IGF2BP2: variants seen among roughly 807,000 people sequenced by gnomAD.
IGF2BP2 encodes the protein insulin like growth factor 2 mRNA binding protein 2, also known as insulin-like growth factor 2 mRNA-binding protein 2.
IGF2BP2 carries 17 observed loss-of-function variants against 75.8 expected under a neutral mutation model. The observed-to-expected ratio is 0.22, with a 90% CI of 0.15 to 0.34. IGF2BP2 has a LOEUF of 0.34. IGF2BP2 is among the 10% of genes least tolerant of loss of function. The pLI is 1.00. For missense variants in IGF2BP2, 516 were observed against 772.4 expected (o/e 0.67, Z 3.93); for synonymous variants, 288 against 295.6 (o/e 0.97, Z 0.26).
At chr3:185,659,382 C>A (rs893538278) in intron 10 of IGF2BP2, among the ~76,000 whole-genome samples, 11 of 152,056 alleles carry the variant, frequency 7.2e-5, no homozygotes, top group African/African-American at 2.4e-4. Context: ...TATTTTATTT[C>A]TTTATTTTTG....
intron 7 of IGF2BP2, among the ~76,000 whole-genome samples, chr3:185,683,186 C>A (rs947383448): frequency 6.6e-6 from 1 of 152,048 alleles, no homozygotes; most frequent in Non-Finnish European, 1.5e-5. Context: ...ATAAGCCAGT[C>A]ACAAAAGAAT....
intron 2 of IGF2BP2, among the ~76,000 whole-genome samples, chr3:185,781,680 T>A (rs970801608): frequency 6.6e-6 from 1 of 152,184 alleles, no homozygotes; most frequent in Non-Finnish European, 1.5e-5. Flanking sequence ...AGCTCCTCAA[T>A]CATTTAAAAA....
chr3:185,657,269 G>A lies in IGF2BP2; in HGVS notation c.1386+17C>T, dbSNP rs557714258. 6.9e-6 allele frequency: 11 copies of A among 1,587,642 alleles called. No individual in the cohort carries two copies. Among genetic ancestry groups the A allele is most frequent in the Middle Eastern group, 2.0e-4 (1 of 5,042 alleles). On this transcript the variant is annotated intron_variant, in intron 12 of 15. Transcript: ENST00000382199. ...GAGGTGGTAGAAGGGCCACAGGGCC[G>A]TCAGGAGCAGCCTCACCTTGATAGA... is the stretch of plus-strand genomic sequence containing the variant.
At chr3:185,716,798 T>C (rs747125205) in intron 2 of IGF2BP2, 4 of 518,834 alleles carry the variant, frequency 7.7e-6, no homozygotes, top group African/African-American at 1.9e-5. Context: ...TGGTTAACAT[T>C]TCACCTTAAC....
chr3:185,721,962 C>T (rs1726613960), intron 2 of IGF2BP2, among the ~76,000 whole-genome samples: 1 of 151,712 alleles, frequency 6.6e-6, no homozygotes, highest in South Asian at 2.1e-4. Flanking sequence ...TTATCACTAA[C>T]CAGCATCCTT....
intron 12 of IGF2BP2, among the ~76,000 whole-genome samples, chr3:185,653,732 C>T (rs937817251): frequency 6.6e-6 from 1 of 152,190 alleles, no homozygotes; most frequent in Non-Finnish European, 1.5e-5. Flanking sequence ...AGGTTGGCCA[C>T]AGATGCAGTT....
rs201588913 is a variant in IGF2BP2 at position 185,672,655 on chromosome 3, C to G, written c.1086G>C (p.Leu362=). Residue 362 remains leucine (L), a synonymous_variant, in exon 10 of 16, where the codon CTG becomes CTC. Transcript: ENST00000382199. ...DMLAVNQQAN[L]IPGLNLSALG... is the part of the protein sequence containing the mutation. Reference sequence around the variant, plus strand: ...GTGCGCTGAGGTTCAACCCTGGGATCAGATTGGCTTGTTGCTGGGAATAGA... The same window carrying G: ...GTGCGCTGAGGTTCAACCCTGGGATGAGATTGGCTTGTTGCTGGGAATAGA... 1.4e-5 allele frequency: 22 copies of G among 1,614,090 alleles called. No individual in the cohort carries two copies. In the East Asian group the frequency reaches 4.5e-4, roughly 33 times the overall value.
chr3:185,749,846 A>G (rs1730727573), intron 2 of IGF2BP2, among the ~76,000 whole-genome samples: 1 of 152,252 alleles, frequency 6.6e-6, no homozygotes, highest in Non-Finnish European at 1.5e-5. Context: ...AGGTTGGCCC[A>G]GAAAGAAATG....
At chr3:185,665,768 A>C (rs547251580) in intron 10 of IGF2BP2, among the ~76,000 whole-genome samples, 63 of 152,134 alleles carry the variant, frequency 4.1e-4, no homozygotes, top group Non-Finnish European at 7.1e-4. Flanking sequence ...GGAGTTCGAG[A>C]TCAGCCTGGC....
chr3:185,762,899 C>T (rs1732570238), intron 2 of IGF2BP2, among the ~76,000 whole-genome samples: 2 of 152,112 alleles, frequency 1.3e-5, no homozygotes, highest in African/African-American at 2.4e-5. Context: ...CAAGATGAAC[C>T]AATCTCCTGG....
chr3:185,777,285 C>T (rs1734639656), intron 2 of IGF2BP2, among the ~76,000 whole-genome samples: 1 of 152,162 alleles, frequency 6.6e-6, no homozygotes, highest in African/African-American at 2.4e-5. Flanking sequence ...GCCTGGGCAA[C>T]ATGGCAAAAC....
intron 12 of IGF2BP2, among the ~76,000 whole-genome samples, chr3:185,654,997 C>A (rs1368651052): frequency 6.6e-6 from 1 of 152,258 alleles, no homozygotes; most frequent in South Asian, 2.1e-4. Flanking sequence ...CATTGTGGCC[C>A]CCAAAGACTG....
intron 2 of IGF2BP2, among the ~76,000 whole-genome samples, chr3:185,710,977 C>T (rs1724713187): frequency 1.3e-5 from 2 of 151,776 alleles, no homozygotes. Context: ...AGCTCTCAAA[C>T]CTAATGTCAC....
In IGF2BP2 at chr3:185,660,838, C is replaced by T. The variant is rs571989605; in HGVS notation, c.1201-2429G>A. Among the ~76,000 whole-genome samples, 10 of 152,308 alleles carry T rather than the reference C, an allele frequency of 6.6e-5. 2 individuals are homozygous for T. Among genetic ancestry groups the T allele is most frequent in the African/African-American group, 2.4e-4 (10 of 41,568 alleles). ...TCTGGGAAAAGAGCACTTCAGCCCTCCTCCCGCCTGAAGAATCGTTCCTTC... is the reference window on the plus strand; with the variant it reads ...TCTGGGAAAAGAGCACTTCAGCCCTTCTCCCGCCTGAAGAATCGTTCCTTC... On this transcript the variant is annotated intron_variant, in intron 10 of 15. Transcript: ENST00000382199.
intron 2 of IGF2BP2, among the ~76,000 whole-genome samples, chr3:185,811,863 T>TCTCTCTCTCTCTCTCTCTCC (rs1739913533): frequency 7.8e-6 from 1 of 127,406 alleles, no homozygotes; most frequent in Admixed American, 7.9e-5. Flanking sequence ...TCTCTCTCTC[T>TCTCTCTCTCTCTCTCTCTCC]CTCTCTCTCT....
At chr3:185,732,810 C>T (rs1195955574) in intron 2 of IGF2BP2, among the ~76,000 whole-genome samples, 1 of 152,186 alleles carries the variant, frequency 6.6e-6, no homozygotes, top group Non-Finnish European at 1.5e-5. Flanking sequence ...TTAATGTAAG[C>T]AATGTGTGGG....
intron 2 of IGF2BP2, among the ~76,000 whole-genome samples, chr3:185,726,570 T>G (rs1035840678): frequency 4.6e-5 from 7 of 152,232 alleles, no homozygotes; most frequent in African/African-American, 1.4e-4. Flanking sequence ...TTCTCTGCCA[T>G]TGTAATAGAC....
chr3:185,799,747 G>A (rs540092912), intron 2 of IGF2BP2, among the ~76,000 whole-genome samples: 27 of 145,398 alleles, frequency 1.9e-4, no homozygotes, highest in South Asian at 1.1e-3. Flanking sequence ...GCGAGACTCC[G>A]TCTCAAAAAA....
In IGF2BP2 at chr3:185,645,665, A is replaced by G. The variant is rs781697985; in HGVS notation, c.1708-42T>C. 5.3e-6 allele frequency: 8 copies of G among 1,501,462 alleles called. No homozygotes were observed. Among genetic ancestry groups the G allele is most frequent in the Non-Finnish European group, 6.5e-6 (7 of 1,077,792 alleles). The allele number at this position is 1,501,462 out of a possible 1,614,324, so 93.0% of individuals were successfully genotyped here. A position where few individuals can be genotyped will look rare whatever the true frequency, so the allele number is the denominator to read the frequency against. On this transcript the variant is annotated intron_variant, in intron 15 of 15. Coordinates refer to ENST00000382199, the MANE Select transcript of IGF2BP2 (RefSeq NM_006548.6). The surrounding 1 kb of genome is among the most constrained non-coding windows in gnomAD (Gnocchi z 4.9). Reference sequence around the variant, plus strand: ...AAGGGAGAGGAAGGGACAGGGGAAAAAAGGAACCCAGTTCTGAGGACAAAC... The same window carrying G: ...AAGGGAGAGGAAGGGACAGGGGAAAGAAGGAACCCAGTTCTGAGGACAAAC...
Sources: gnomAD v4.1 joint callset for allele counts (sites outside exome capture counted in the v4.1 genomes callset) on GRCh38, gnomAD v4.1.1 for gene constraint, Gnocchi (gnomAD v3.1) non-coding constraint, MANE v1.5 for transcripts, NCBI Gene and HGNC (gene_info 2026-07-23, HGNC 2026-07-21) for gene names.